SNAP25: variants seen among roughly 807,000 people sequenced by gnomAD.
The protein encoded by SNAP25 is synaptosome associated protein 25.
Under a neutral mutation model 28.7 loss-of-function variants are expected in SNAP25, and 3 were observed. The ratio of observed to expected loss-of-function variants is 0.10; its 90% CI spans 0.05 to 0.27. The LOEUF is 0.27. Among genes scored for constraint, SNAP25 ranks in the 10% least tolerant of loss-of-function variants. The pLI is 1.00. For synonymous variants in SNAP25, 61 were observed against 88.1 expected, an observed-to-expected ratio of 0.69 and a Z score of 1.72; for missense variants, 117 against 278.7, an observed-to-expected ratio of 0.42 and a Z score of 4.13.
At chr20:10,300,791 T>C (rs1298628165) in intron 7 of SNAP25, among the ~76,000 whole-genome samples, 2 of 152,204 alleles carry the variant, frequency 1.3e-5, no homozygotes, top group Non-Finnish European at 2.9e-5. Context: ...TTGCAAGTAA[T>C]GGCATGCTTA....
At chr20:10,282,379 G>A (rs2063797366) in intron 3 of SNAP25, among the ~76,000 whole-genome samples, 1 of 152,188 alleles carries the variant, frequency 6.6e-6, no homozygotes, top group Admixed American at 6.5e-5. Flanking sequence ...GTGACTGGTT[G>A]CTGGCTGAGC....
intron 1 of SNAP25, among the ~76,000 whole-genome samples, chr20:10,274,424 T>G (rs994832050): frequency 6.6e-6 from 1 of 152,154 alleles, no homozygotes; most frequent in Admixed American, 6.5e-5. Flanking sequence ...TATTAATACA[T>G]GCTGCAACAT....
chr20:10,274,687 CA>C (rs1223205987), intron 1 of SNAP25, among the ~76,000 whole-genome samples: 1 of 151,892 alleles, frequency 6.6e-6, no homozygotes, highest in Non-Finnish European at 1.5e-5. Flanking sequence ...ACTAAAAATA[CA>C]AAAAATTAGC....
chr20:10,226,415 G>A (rs923686837), intron 1 of SNAP25, among the ~76,000 whole-genome samples: 2 of 152,018 alleles, frequency 1.3e-5, no homozygotes, highest in African/African-American at 4.8e-5. Context: ...TGCTATTATG[G>A]CATTCTTCAT....
Position 10,221,085 on chromosome 20 carries a change from A to G in SNAP25, c.-64+2108A>G, listed in dbSNP as rs539308795. Among the ~76,000 whole-genome samples, 4 of 152,354 alleles carry G rather than the reference A, an allele frequency of 2.6e-5. No individual in the cohort carries two copies. The South Asian group carries it at 6.2e-4, about 24-fold the overall frequency. On this transcript the variant is annotated intron_variant, in intron 1 of 7. Coordinates refer to ENST00000254976, the MANE Select transcript of SNAP25 (RefSeq NM_130811.4). ...ATAAACAACTGTGTTTTAGTAGTGG[A>G]GGAGAGAAAATATGGGCAGGAATCT...
At chr20:10,248,383 G>T (rs1027440614) in intron 1 of SNAP25, among the ~76,000 whole-genome samples, 2 of 152,020 alleles carry the variant, frequency 1.3e-5, no homozygotes, top group Non-Finnish European at 2.9e-5. Flanking sequence ...GTTAATTGCA[G>T]AAAAATAGGC....
At chr20:10,222,972 A>G (rs766930686) in intron 1 of SNAP25, among the ~76,000 whole-genome samples, 1 of 152,224 alleles carries the variant, frequency 6.6e-6, no homozygotes, top group African/African-American at 2.4e-5. Flanking sequence ...CAGAAGGTGC[A>G]CTTGAATAAT....
At chr20:10,303,997 A>C (rs1175186623) in intron 7 of SNAP25, among the ~76,000 whole-genome samples, 2 of 152,246 alleles carry the variant, frequency 1.3e-5, no homozygotes, top group Non-Finnish European at 2.9e-5. Context: ...AAGCAAGCCA[A>C]GTTCTCATAC....
intron 1 of SNAP25, among the ~76,000 whole-genome samples, chr20:10,255,823 A>G (rs891383853): frequency 6.6e-6 from 1 of 152,242 alleles, no homozygotes; most frequent in Admixed American, 6.5e-5. Context: ...GTATAGGGCT[A>G]TTAAGCGCAG....
Position 10,306,419 on chromosome 20 carries a change from T to G in SNAP25, c.*222T>G. On this transcript the variant is annotated 3_prime_UTR_variant, in exon 8 of 8. Transcript: ENST00000254976. ...AAGGTTGTACATAGTGGTCATTTGG[T>G]GGCTCTAACTCCTTGAGGTCTTGAG... The G allele has an allele frequency of 2.3e-6, 1 of 443,300 alleles. No individual in the cohort carries two copies. The allele number at this position is 443,300 out of a possible 1,614,324, so 27.5% of individuals were successfully genotyped here.
At chr20:10,240,754 G>A (rs1044758705) in intron 1 of SNAP25, among the ~76,000 whole-genome samples, 6 of 152,138 alleles carry the variant, frequency 3.9e-5, no homozygotes, top group African/African-American at 1.4e-4. Context: ...CCTGAGTTGG[G>A]GCCTACATGC....
intron 1 of SNAP25, among the ~76,000 whole-genome samples, chr20:10,225,095 C>T (rs1005972213): frequency 1.3e-5 from 2 of 151,992 alleles, no homozygotes; most frequent in African/African-American, 4.8e-5. Context: ...AATGACATCA[C>T]AGGAAAGCTT....
chr20:10,297,068 T>C lies in SNAP25; in HGVS notation c.407+18T>C, dbSNP rs186894193. On this transcript the variant is annotated intron_variant, in intron 6 of 7. Transcript: ENST00000254976. Reference sequence around the variant, plus strand: ...ATCCGCAGGTGAGCCTCATGCAGCATACACTGTAGCAGTTCTCTATTGTCA... The same window carrying C: ...ATCCGCAGGTGAGCCTCATGCAGCACACACTGTAGCAGTTCTCTATTGTCA... 2.6e-6 allele frequency: 4 copies of C among 1,568,506 alleles called. No homozygotes were observed. The East Asian group carries it at 9.0e-5, about 35-fold the overall frequency.
chr20:10,286,989 A>G (rs2063892773), intron 4 of SNAP25, among the ~76,000 whole-genome samples: 1 of 152,200 alleles, frequency 6.6e-6, no homozygotes, highest in Non-Finnish European at 1.5e-5. Context: ...GCTTTTAAAA[A>G]AAATAACTAA....
chr20:10,285,948 T>A (rs1396858660), intron 4 of SNAP25, among the ~76,000 whole-genome samples: 1 of 152,216 alleles, frequency 6.6e-6, no homozygotes, highest in Non-Finnish European at 1.5e-5. Context: ...ATTCCACAGT[T>A]AGGCACTGTA....
Position 10,302,651 on chromosome 20 carries a change from G to C in SNAP25, c.552+3239G>C, listed in dbSNP as rs8121502. On this transcript the variant is annotated intron_variant, in intron 7 of 7. Transcript: ENST00000254976. The stretch of plus-strand genomic sequence containing the variant: ...TATGTTGGGCACTCCAGCAAATTTA[G>C]AATTTTCTAAATAGAAATATAAAAA... 3.2e-3 allele frequency among the ~76,000 whole-genome samples: 483 copies of C among 152,102 alleles called. 3 individuals are homozygous for C. The highest frequency in any genetic ancestry group is 0.011 in the African/African-American group (469 of 41,482).
intron 1 of SNAP25, among the ~76,000 whole-genome samples, chr20:10,220,850 A>C (rs1894150488): frequency 6.6e-6 from 1 of 152,212 alleles, no homozygotes; most frequent in African/African-American, 2.4e-5. Flanking sequence ...CAGACACTAA[A>C]ATTCCCTGTC....
At chr20:10,286,331 CAA>C (rs2063878096) in intron 4 of SNAP25, among the ~76,000 whole-genome samples, 1 of 152,094 alleles carries the variant, frequency 6.6e-6, no homozygotes, top group Non-Finnish European at 1.5e-5. Context: ...CAATTAGAAG[CAA>C]AAGAGATTTG....
intron 1 of SNAP25, among the ~76,000 whole-genome samples, chr20:10,249,570 G>C (rs2063189300): frequency 6.6e-6 from 1 of 152,176 alleles, no homozygotes; most frequent in Non-Finnish European, 1.5e-5. Flanking sequence ...TGTCTGCCTA[G>C]ATGGAGTGTA....
Sources: gnomAD v4.1 joint callset for allele counts (sites outside exome capture counted in the v4.1 genomes callset) on GRCh38, gnomAD v4.1.1 for gene constraint, MANE v1.5 for transcripts, NCBI Gene and HGNC (gene_info 2026-07-23, HGNC 2026-07-21) for gene names.